RAB20: variants seen among roughly 807,000 people sequenced by gnomAD.
RAB20 encodes the protein RAB20, member RAS oncogene family.
RAB20 carries 2 observed loss-of-function variants against 3.7 expected under a neutral mutation model. The ratio of observed to expected loss-of-function variants is 0.54; its 90% CI spans 0.22 to 1.69. RAB20 has a LOEUF of 1.69. Ranked by LOEUF, RAB20 falls within the 40% of genes most tolerant of loss-of-function variation. The pLI is 0.19. For missense variants in RAB20, 276 were observed against 311.9 expected, an observed-to-expected ratio of 0.88 and a Z score of 0.87; for synonymous variants, 126 against 130.8, an observed-to-expected ratio of 0.96 and a Z score of 0.25.
chr13:110,553,915 AG>A (rs1884997778), intron 1 of RAB20, among the ~76,000 whole-genome samples: 1 of 152,212 alleles, frequency 6.6e-6, no homozygotes, highest in Admixed American at 6.5e-5. Context: ...CAGGAGTTCA[AG>A]GCCAGCTTGG....
At chr13:110,526,147 C>T (rs1717415728) in intron 1 of RAB20, among the ~76,000 whole-genome samples, 1 of 152,024 alleles carries the variant, frequency 6.6e-6, no homozygotes, top group Non-Finnish European at 1.5e-5. Flanking sequence ...TGTGTGGCCT[C>T]CCGGGCCATG....
chr13:110,527,398 C>T (rs1252133707), intron 1 of RAB20, among the ~76,000 whole-genome samples: 2 of 152,182 alleles, frequency 1.3e-5, no homozygotes, highest in African/African-American at 4.8e-5. Context: ...ACAGTGTGCC[C>T]TTTGGGGATG....
intron 1 of RAB20, among the ~76,000 whole-genome samples, chr13:110,537,955 C>G (rs924786866): frequency 1.3e-5 from 2 of 152,150 alleles, no homozygotes; most frequent in Non-Finnish European, 2.9e-5. Context: ...GCTTCAGGTC[C>G]TCCACCAGGA....
intron 1 of RAB20, among the ~76,000 whole-genome samples, chr13:110,542,584 T>C (rs754489424): frequency 3.3e-5 from 5 of 152,234 alleles, no homozygotes; most frequent in Non-Finnish European, 5.9e-5. Context: ...TATGTGGTAT[T>C]TGTCTTTCGG....
Position 110,524,156 on chromosome 13 carries a change from C to A in RAB20, c.214G>T (p.Gly72Trp). ...FHGLGSMYCRGAAAIILTYDV... is the reference protein window; with the variant it reads ...FHGLGSMYCRWAAAIILTYDV... Reference sequence around the variant, plus strand: ...TAGGTGAGGATGATGGCGGCCGCCCCCCGGCAGTACATGGAGCCCAGGCCG... The same window carrying A: ...TAGGTGAGGATGATGGCGGCCGCCCACCGGCAGTACATGGAGCCCAGGCCG... The change falls in exon 2 of 2, where the codon GGG (glycine) becomes TGG (tryptophan). Residue 72 changes from glycine (G) to tryptophan (W), a missense_variant. Gly to Trp is a radical substitution (Grantham distance 184). Coordinates refer to ENST00000267328, the MANE Select transcript of RAB20 (RefSeq NM_017817.3). 6.2e-7 allele frequency: 1 copy of A among 1,605,300 alleles called. No homozygotes were observed.
chr13:110,559,701 A>G (rs1244781020), intron 1 of RAB20, among the ~76,000 whole-genome samples: 1 of 152,212 alleles, frequency 6.6e-6, no homozygotes, highest in East Asian at 1.9e-4. Flanking sequence ...TAACGCTTCA[A>G]GACATCTGGG....
At chr13:110,546,888 C>T (rs143698702) in intron 1 of RAB20, among the ~76,000 whole-genome samples, 1 of 152,148 alleles carries the variant, frequency 6.6e-6, no homozygotes, top group African/African-American at 2.4e-5. Flanking sequence ...CAGGTGTGCA[C>T]CACCATGCCT....
At chr13:110,528,413 C>CA (rs11386477) in intron 1 of RAB20, among the ~76,000 whole-genome samples, 63,140 of 121,850 alleles carry the variant, frequency 0.52, 16,140 homozygotes, top group Admixed American at 0.57. Context: ...AACTCCATCT[C>CA]AAAAAAAAAA....
chr13:110,553,081 T>C (rs887636609), intron 1 of RAB20, among the ~76,000 whole-genome samples: 1 of 152,246 alleles, frequency 6.6e-6, no homozygotes, highest in Admixed American at 6.5e-5. Context: ...TTCAGGCCAC[T>C]GTTGCTGGTC....
At position 110,561,595 on chromosome 13, in the gene RAB20, G is replaced by A. The variant is rs944848824; in HGVS notation, c.-76C>T. ...GGCTCGTGCGCCCTGGGCGCAGCTG[G>A]AGGAGCGGACCCCGGACTCGCCGGG... is the stretch of plus-strand genomic sequence containing the variant. On this transcript the variant is annotated 5_prime_UTR_variant, in exon 1 of 2. Coordinates refer to ENST00000267328, the MANE Select transcript of RAB20 (RefSeq NM_017817.3). 1.3e-5 allele frequency: 19 copies of A among 1,492,074 alleles called. No individual in the cohort carries two copies. In the Admixed American group the frequency reaches 1.7e-4, roughly 13 times the overall value. 92.4% of individuals were successfully genotyped at this position (1,492,074 alleles called of 1,614,324 possible).
intron 1 of RAB20, among the ~76,000 whole-genome samples, chr13:110,526,007 G>A (rs1283934084): frequency 6.6e-6 from 1 of 152,244 alleles, no homozygotes; most frequent in Non-Finnish European, 1.5e-5. Flanking sequence ...CACCTGCCGG[G>A]GGCACGCTTT....
chr13:110,533,311 TGG>T (rs1384336071), intron 1 of RAB20, among the ~76,000 whole-genome samples: 1 of 152,248 alleles, frequency 6.6e-6, no homozygotes, highest in Admixed American at 6.5e-5. Flanking sequence ...TTGAGAGTCA[TGG>T]GACCATCTCC....
intron 1 of RAB20, among the ~76,000 whole-genome samples, chr13:110,529,293 C>T (rs1158213230): frequency 1.3e-5 from 2 of 152,222 alleles, no homozygotes; most frequent in African/African-American, 4.8e-5. Flanking sequence ...CCCCCTGCTG[C>T]CAACCCCATA....
At chr13:110,553,716 CTAAT>C (rs779894971) in intron 1 of RAB20, among the ~76,000 whole-genome samples, 38 of 152,346 alleles carry the variant, frequency 2.5e-4, no homozygotes, top group Admixed American at 5.9e-4. Flanking sequence ...CACACAAACA[CTAAT>C]TGTCAGGCTG....
At chr13:110,538,284 AG>A (rs1363013250) in intron 1 of RAB20, among the ~76,000 whole-genome samples, 22 of 151,242 alleles carry the variant, frequency 1.5e-4, no homozygotes, top group African/African-American at 5.3e-4. Context: ...GAAAAGAAAA[AG>A]AAAAAAGACT....
At chr13:110,561,229 A>T (rs915778089) in intron 1 of RAB20, 119 bp downstream of exon 1, 3 of 1,254,900 alleles carry the variant, frequency 2.4e-6, no homozygotes, top group African/African-American at 3.2e-5. Flanking sequence ...CCCGAGAAGG[A>T]GGCATTTGCT....
In RAB20 at chr13:110,537,114, G is replaced by A. The variant is rs115995585; in HGVS notation, c.173-12917C>T. On this transcript the variant is annotated intron_variant, in intron 1 of 1. Transcript: ENST00000267328. ...CTCTGCCTTAGACTCCCAAGTAGCT[G>A]GGACTACAGGCTCACGCCACTACGC... 9.0e-3 allele frequency among the ~76,000 whole-genome samples: 1,371 copies of A among 151,836 alleles called. 24 individuals carry two copies. The highest frequency in any genetic ancestry group is 0.032 in the African/African-American group (1,309 of 41,332).
chr13:110,524,333 G>A (rs1884391700), intron 1 of RAB20, 136 bp from the exon 2 acceptor site: 7 of 1,329,424 alleles, frequency 5.3e-6, no homozygotes, highest in Non-Finnish European at 6.9e-6. Flanking sequence ...CTTAAACATA[G>A]TTGATGGAGA....
At chr13:110,557,148 T>C (rs1476606171) in intron 1 of RAB20, among the ~76,000 whole-genome samples, 1 of 151,914 alleles carries the variant, frequency 6.6e-6, no homozygotes, top group Non-Finnish European at 1.5e-5. Flanking sequence ...AAGCCTGGGG[T>C]CTGAATGAGG....
Sources: gnomAD v4.1 joint callset for allele counts (sites outside exome capture counted in the v4.1 genomes callset) on GRCh38, gnomAD v4.1.1 for gene constraint, MANE v1.5 for transcripts, NCBI Gene and HGNC (gene_info 2026-07-23, HGNC 2026-07-21) for gene names.